The following ACOT11 variants were observed in gnomAD, a reference collection of about 807,000 sequenced individuals.
ACOT11 encodes the protein acyl-coenzyme A thioesterase 11.
In ACOT11, 69 loss-of-function variants were observed where a neutral mutation model predicts 77.5. The ratio of observed to expected loss-of-function variants is 0.89; its 90% CI spans 0.73 to 1.09. The LOEUF is 1.09. ACOT11 is among the 50% of genes least tolerant of loss of function. The probability of loss-of-function intolerance (pLI) is 0.00; values close to 1 mark genes in which losing one functional copy is unlikely to be tolerated. For synonymous variants in ACOT11, 279 were observed against 313.0 expected (o/e 0.89, Z 1.15); for missense variants, 766 against 813.7 (o/e 0.94, Z 0.71).
intron 15 of ACOT11, among the ~76,000 whole-genome samples, chr1:54,616,443 A>G (rs573253131): frequency 1.4e-3 from 208 of 151,738 alleles, no homozygotes; most frequent in Admixed American, 2.6e-3. Flanking sequence ...GGCTCACTAC[A>G]AGCTCCACCT....
At chr1:54,583,566 C>T (rs1453932406) in intron 1 of ACOT11, among the ~76,000 whole-genome samples, 2 of 150,766 alleles carry the variant, frequency 1.3e-5, no homozygotes, top group African/African-American at 2.4e-5. Context: ...AGTGTAGTGT[C>T]GGGGGTAGGA....
chr1:54,623,069 G>A (rs763723660), intron 15 of ACOT11, among the ~76,000 whole-genome samples: 7 of 151,492 alleles, frequency 4.6e-5, no homozygotes, highest in Middle Eastern at 3.2e-3. Flanking sequence ...CCAGCTACTC[G>A]GGAGGCTGAG....
At chr1:54,623,565 C>T (rs1184500789) in intron 15 of ACOT11, 3 of 616,174 alleles carry the variant, frequency 4.9e-6, no homozygotes, top group African/African-American at 1.8e-5. Context: ...ACCCCTGAAG[C>T]CCCTCCTCCC....
At chr1:54,620,820 C>T (rs1644222420) in intron 15 of ACOT11, among the ~76,000 whole-genome samples, 1 of 125,914 alleles carries the variant, frequency 7.9e-6, no homozygotes, top group South Asian at 2.6e-4. Context: ...CTGTACTCAG[C>T]CTGGATGACA....
chr1:54,567,364 T>C (rs2100956618), intron 1 of ACOT11, among the ~76,000 whole-genome samples: 1 of 151,432 alleles, frequency 6.6e-6, no homozygotes, highest in South Asian at 2.1e-4. Flanking sequence ...CTGCAACCTC[T>C]GCCTCCCAGG....
At chr1:54,565,610 G>T (rs149034352) in intron 1 of ACOT11, among the ~76,000 whole-genome samples, 227 of 152,274 alleles carry the variant, frequency 1.5e-3, no homozygotes, top group African/African-American at 5.1e-3. Context: ...CTGCTTCAGA[G>T]TGAGAATTAA....
intron 8 of ACOT11, 104 bp downstream of exon 8, chr1:54,599,519 C>G: frequency 8.0e-7 from 1 of 1,243,332 alleles, no homozygotes; most frequent in East Asian, 3.1e-5. Context: ...CTTTGCCCTG[C>G]AGACAGGGTC....
rs546633060 is a variant in ACOT11, at chr1:54,590,261, A to G, written c.312-2285A>G. 2.0e-4 allele frequency among the ~76,000 whole-genome samples: 30 copies of G among 152,130 alleles called. No individual in the cohort carries two copies. The South Asian group carries it at 6.2e-3, about 32-fold the overall frequency. On this transcript the variant is annotated intron_variant, in intron 3 of 15. Transcript: ENST00000343744. ...TATTTGAATTTCTGTGGTGCAATTA[A>G]CATGTTCCTCTGTCTCCTGAGAGTA...
chr1:54,599,348 C>G lies in ACOT11; in HGVS notation c.817C>G (p.Arg273Gly), dbSNP rs777875503. The part of the protein sequence containing the change: ...TLKAIEMFHF[R>G]GPSQVGDRLV... ...GAAGGCCATTGAAATGTTCCACTTC[C>G]GAGGCCCGTCCCAGGTCGGCGACCG... The change falls in exon 8 of 16, where the codon CGA becomes GGA. Residue 273 changes from arginine (R) to glycine (G), a missense_variant. By Grantham distance (125) the Arg-to-Gly change is moderately radical. Transcript: ENST00000343744. 1 of 1,609,578 alleles carries G rather than the reference C, an allele frequency of 6.2e-7. No individual in the cohort carries two copies.
chr1:54,569,134 T>A (rs1189304117), intron 1 of ACOT11, among the ~76,000 whole-genome samples: 1 of 151,472 alleles, frequency 6.6e-6, no homozygotes, highest in East Asian at 1.9e-4. Flanking sequence ...AATAATTTTT[T>A]TTTTTTTTGT....
intron 1 of ACOT11, among the ~76,000 whole-genome samples, chr1:54,549,443 G>A (rs1310690556): frequency 6.6e-6 from 1 of 152,120 alleles, no homozygotes; most frequent in Admixed American, 6.6e-5. Context: ...CCTCCAGGCT[G>A]TTGTACTTGC....
At chr1:54,561,705 G>C (rs1474934680) in intron 1 of ACOT11, among the ~76,000 whole-genome samples, 1 of 115,744 alleles carries the variant, frequency 8.6e-6, no homozygotes, top group Non-Finnish European at 1.8e-5. Flanking sequence ...CTCACCTCCC[G>C]GACGGGGCGG....
chr1:54,616,993 A>T (rs2101021238), intron 15 of ACOT11, among the ~76,000 whole-genome samples: 1 of 152,238 alleles, frequency 6.6e-6, no homozygotes, highest in South Asian at 2.1e-4. Flanking sequence ...GGTGAGTCTC[A>T]GTGCCCAGCC....
intron 1 of ACOT11, among the ~76,000 whole-genome samples, chr1:54,577,925 C>CA (rs777102928): frequency 1.7e-4 from 26 of 152,206 alleles, no homozygotes; most frequent in Non-Finnish European, 3.2e-4. Context: ...TACCAAAAAG[C>CA]CCTGTGTACT....
intron 15 of ACOT11, chr1:54,619,828 G>A: frequency 6.2e-7 from 1 of 1,609,036 alleles, no homozygotes; most frequent in Non-Finnish European, 8.5e-7. Flanking sequence ...TCTATCCCTT[G>A]CCCTGGCCTG....
intron 15 of ACOT11, among the ~76,000 whole-genome samples, chr1:54,622,066 G>A (rs887470574): frequency 5.9e-5 from 9 of 151,900 alleles, no homozygotes; most frequent in Non-Finnish European, 1.2e-4. Flanking sequence ...CTGAGGTCAG[G>A]AGTTCAAGAC....
chr1:54,552,255 CTG>C (rs1653096865), intron 1 of ACOT11, among the ~76,000 whole-genome samples: 1 of 152,136 alleles, frequency 6.6e-6, no homozygotes, highest in Admixed American at 6.5e-5. Context: ...GGACCCTACT[CTG>C]TGTTGGAGGT....
chr1:54,615,736 C>T (rs981192987), intron 15 of ACOT11, among the ~76,000 whole-genome samples: 1 of 152,156 alleles, frequency 6.6e-6, no homozygotes, highest in African/African-American at 2.4e-5. Context: ...TCTGTGGATA[C>T]AGGAGGGAGC....
intron 3 of ACOT11, among the ~76,000 whole-genome samples, chr1:54,590,895 T>C (rs539842909): frequency 1.3e-5 from 2 of 152,296 alleles, no homozygotes; most frequent in South Asian, 2.1e-4. Context: ...GCTGGAATTA[T>C]AGGTGTGCCC....
Sources: gnomAD v4.1 joint callset for allele counts (sites outside exome capture counted in the v4.1 genomes callset) on GRCh38, gnomAD v4.1.1 for gene constraint, MANE v1.5 for transcripts, NCBI Gene and HGNC (gene_info 2026-07-23, HGNC 2026-07-21) for gene names.